The following CTNNB1 variants were observed in gnomAD, a reference collection of about 807,000 sequenced individuals.
The protein encoded by CTNNB1 is catenin beta-1.
Under a neutral mutation model 82.5 loss-of-function variants are expected in CTNNB1, and 6 were observed. The ratio of observed to expected loss-of-function variants is 0.07; its 90% CI spans 0.04 to 0.14. The LOEUF is 0.14. Ranked by LOEUF, CTNNB1 falls within the 10% of genes least tolerant of loss-of-function variation. The pLI, the probability that CTNNB1 is intolerant of heterozygous loss-of-function variation, is 1.00. For synonymous variants in CTNNB1, 312 were observed against 329.7 expected (o/e 0.95, Z 0.58); for missense variants, 529 against 980.4 (o/e 0.54, Z 6.15).
chr3:41,206,863 G>A (rs1463003168), intron 1 of CTNNB1, among the ~76,000 whole-genome samples: 1 of 152,186 alleles, frequency 6.6e-6, no homozygotes, highest in African/African-American at 2.4e-5. Context: ...CTGAGCCATT[G>A]AAAGAATGTC....
chr3:41,228,715 G>T (rs1487696697), intron 7 of CTNNB1, among the ~76,000 whole-genome samples: 3 of 152,112 alleles, frequency 2.0e-5, no homozygotes, highest in African/African-American at 4.8e-5. Context: ...CTTTTGCTGC[G>T]CAGAAGCTCT....
At chr3:41,204,266 AG>A (rs2077597688) in intron 1 of CTNNB1, among the ~76,000 whole-genome samples, 1 of 152,156 alleles carries the variant, frequency 6.6e-6, no homozygotes, top group African/African-American at 2.4e-5. Context: ...ATTTTTCAAG[AG>A]TTTTCTGAGA....
chr3:41,236,565 G>A (rs2078439702), intron 12 of CTNNB1, 23 bp from the exon 13 acceptor site: 2 of 1,613,990 alleles, frequency 1.2e-6, no homozygotes, highest in South Asian at 1.1e-5. Flanking sequence ...TTCCTCAAGG[G>A]CCTTTTTCTC....
intron 1 of CTNNB1, among the ~76,000 whole-genome samples, chr3:41,214,037 T>C (rs1177430403): frequency 6.6e-6 from 1 of 152,212 alleles, no homozygotes; most frequent in Non-Finnish European, 1.5e-5. Context: ...TAAGAATCTG[T>C]GTTGTCTTAA....
chr3:41,210,419 A>G (rs1260629774), intron 1 of CTNNB1, among the ~76,000 whole-genome samples: 1 of 152,136 alleles, frequency 6.6e-6, no homozygotes, highest in African/African-American at 2.4e-5. Context: ...GCGCCACTGC[A>G]CTCCAGTCTG....
At chr3:41,219,927 A>C (rs1390641575) in intron 1 of CTNNB1, among the ~76,000 whole-genome samples, 1 of 152,224 alleles carries the variant, frequency 6.6e-6, no homozygotes, top group Admixed American at 6.5e-5. Flanking sequence ...TAGACATACG[A>C]TACAATCCAG....
rs1430541681 is a variant in CTNNB1 at position 41,239,302 on chromosome 3, G to T, written c.2306G>T (p.Gly769Val). 2 of 1,614,134 alleles carry T rather than the reference G, an allele frequency of 1.2e-6. No homozygotes were observed. The highest frequency in any genetic ancestry group is 1.7e-6 in the Non-Finnish European group (2 of 1,180,030). Residue 769 changes from glycine (G) to valine (V), a missense_variant, in exon 15 of 15, where the codon GGT becomes GTT. Transcript: ENST00000349496. ...GACCTCATGGATGGGCTGCCTCCAG[G>T]TGACAGCAATCAGCTGGCCTGGTTT... ...AQDLMDGLPP[G>V]DSNQLAWFDT...
In CTNNB1 at chr3:41,225,568, C is replaced by T. The variant is rs2125623549; in HGVS notation, c.730C>T (p.Leu244Phe). 2 of 1,614,100 alleles carry T rather than the reference C, an allele frequency of 1.2e-6. No individual in the cohort carries two copies. The highest frequency in any genetic ancestry group is 1.7e-6 in the Non-Finnish European group (2 of 1,179,974). Residue 244 changes from leucine (L) to phenylalanine (F), a missense_variant, in exon 5 of 15, where the codon CTT becomes TTT. Leu to Phe is a conservative substitution (Grantham distance 22, BLOSUM62 0). This residue lies in a region of CTNNB1 where 411 missense variants were observed against 776.4 expected (regional missense o/e 0.53). Coordinates refer to ENST00000349496, the MANE Select transcript of CTNNB1 (RefSeq NM_001904.4). This position sits in a 1 kb window ranked among gnomAD's most constrained non-coding sequence, Gnocchi z 5.3. ...SGGIPALVKM[L>F]GSPVDSVLFY... ...AGGCATTCCTGCCCTGGTGAAAATG[C>T]TTGGGTAAGAAAACATGTCAGAATG...
intron 1 of CTNNB1, among the ~76,000 whole-genome samples, chr3:41,212,232 GT>G (rs926106180): frequency 6.6e-6 from 1 of 152,142 alleles, no homozygotes; most frequent in African/African-American, 2.4e-5. Flanking sequence ...TCCTTGCCCT[GT>G]TTTTGTATCC....
intron 1 of CTNNB1, among the ~76,000 whole-genome samples, chr3:41,218,053 G>A (rs953148324): frequency 6.6e-6 from 1 of 151,906 alleles, no homozygotes; most frequent in African/African-American, 2.4e-5. Flanking sequence ...GATTGGGCAT[G>A]GTTTTATTCT....
At chr3:41,238,607 G>C (rs1255893872) in intron 14 of CTNNB1, among the ~76,000 whole-genome samples, 2 of 152,152 alleles carry the variant, frequency 1.3e-5, no homozygotes, top group African/African-American at 2.4e-5. Context: ...CTAAAGCGCA[G>C]ATTCTTACTG....
chr3:41,211,281 TC>T (rs1050629030), intron 1 of CTNNB1, among the ~76,000 whole-genome samples: 1 of 152,202 alleles, frequency 6.6e-6, no homozygotes, highest in Non-Finnish European at 1.5e-5. Flanking sequence ...CAGTTCATCA[TC>T]CACTGAAATG....
At chr3:41,211,567 T>A (rs2077787338) in intron 1 of CTNNB1, among the ~76,000 whole-genome samples, 1 of 152,236 alleles carries the variant, frequency 6.6e-6, no homozygotes, top group Admixed American at 6.5e-5. Flanking sequence ...CTGTCTATTG[T>A]ATCTTTATGT....
chr3:41,217,602 T>TTTTTAAGTCA, intron 1 of CTNNB1, among the ~76,000 whole-genome samples: 1 of 152,248 alleles, frequency 6.6e-6, no homozygotes, highest in South Asian at 2.1e-4. Flanking sequence ...ATTTCTGTTA[T>TTTTTAAGTCA]AAAAATTGAA....
intron 1 of CTNNB1, among the ~76,000 whole-genome samples, chr3:41,204,462 G>T (rs1559453760): frequency 6.6e-6 from 1 of 152,194 alleles, no homozygotes; most frequent in Non-Finnish European, 1.5e-5. Flanking sequence ...CCTTATATAG[G>T]ATTGGTCTTA....
chr3:41,211,124 A>G (rs2077775493), intron 1 of CTNNB1: 1 of 455,626 alleles, frequency 2.2e-6, no homozygotes, highest in Admixed American at 2.4e-5. Flanking sequence ...AAGCACAGTA[A>G]ACCTACTGTG....
At position 41,224,073 on chromosome 3, in the gene CTNNB1, C is replaced by G. The variant is rs1310497035; in HGVS notation, c.5C>G (p.Ala2Gly). The G allele has an allele frequency of 1.1e-5, 17 of 1,613,630 alleles. No individual in the cohort carries two copies. Among genetic ancestry groups the G allele is most frequent in the Non-Finnish European group, 1.4e-5 (17 of 1,179,734 alleles). The change falls in exon 2 of 15, where the codon GCT becomes GGT. Residue 2 changes from alanine (A) to glycine (G), a missense_variant. Coordinates refer to ENST00000349496, the MANE Select transcript of CTNNB1 (RefSeq NM_001904.4). M[A>G]TQADLMELDM... ...TTTGAAAATCCAGCGTGGACAATGG[C>G]TACTCAAGGTTTGTGTCATTAAATC...
chr3:41,214,877 A>G (rs1053879495), intron 1 of CTNNB1, among the ~76,000 whole-genome samples: 5 of 152,184 alleles, frequency 3.3e-5, no homozygotes, highest in African/African-American at 1.2e-4. Context: ...GAACACAGCC[A>G]TCCATGCTTA....
intron 13 of CTNNB1, 38 bp downstream of exon 13, chr3:41,236,747 C>G (rs112639598): frequency 6.2e-7 from 1 of 1,613,530 alleles, no homozygotes; most frequent in South Asian, 1.1e-5. Context: ...TGGTAGTTTC[C>G]TAGAGCAGGT....
Sources: gnomAD v4.1 joint callset for allele counts (sites outside exome capture counted in the v4.1 genomes callset) on GRCh38, gnomAD v4.1.1 for gene constraint, gnomAD v4.1.1 regional missense constraint, Gnocchi (gnomAD v3.1) non-coding constraint, MANE v1.5 for transcripts, NCBI Gene and HGNC (gene_info 2026-07-23, HGNC 2026-07-21) for gene names.